The following EEFSEC variants were observed in gnomAD, a reference collection of about 807,000 sequenced individuals.
EEFSEC encodes selenocysteine-specific elongation factor.
A neutral mutation model predicts 42.1 loss-of-function variants in EEFSEC; 43 were observed. The observed-to-expected ratio is 1.02, with a 90% CI of 0.80 to 1.32. The LOEUF is 1.32. Ranked by LOEUF, EEFSEC falls within the 40% of genes most tolerant of loss-of-function variation. The probability of loss-of-function intolerance (pLI) is 0.00; values close to 1 mark genes in which losing one functional copy is unlikely to be tolerated. For missense variants in EEFSEC, 745 were observed against 803.6 expected, an observed-to-expected ratio of 0.93 and a Z score of 0.88; for synonymous variants, 354 against 339.1, an observed-to-expected ratio of 1.04 and a Z score of -0.48.
intron 1 of EEFSEC, among the ~76,000 whole-genome samples, chr3:128,222,387 T>C (rs1347885038): frequency 6.6e-6 from 1 of 152,204 alleles, no homozygotes; most frequent in Non-Finnish European, 1.5e-5. Context: ...ATCTGGAAAA[T>C]AGAGCAAATT....
chr3:128,190,099 G>A (rs1176000463), intron 1 of EEFSEC, among the ~76,000 whole-genome samples: 1 of 152,058 alleles, frequency 6.6e-6, no homozygotes, highest in Admixed American at 6.6e-5. Flanking sequence ...CTGAGCTCAG[G>A]CAATGCACCC....
rs140582392 is a variant in EEFSEC, at chr3:128,267,970, A to T, written c.786+3189A>T. Among the ~76,000 whole-genome samples, 405 of 152,372 alleles carry T rather than the reference A, an allele frequency of 2.7e-3. 1 individual carries two copies. The highest frequency in any genetic ancestry group is 8.9e-3 in the African/African-American group (372 of 41,594). Reference sequence around the variant, plus strand: ...AATAAAAAGCTGTCAGACTTCTGGGATTCTACAGACAAGAAACAGGCTGAT... The same window carrying T: ...AATAAAAAGCTGTCAGACTTCTGGGTTTCTACAGACAAGAAACAGGCTGAT... On this transcript the variant is annotated intron_variant, in intron 4 of 6. Coordinates refer to ENST00000254730, the MANE Select transcript of EEFSEC (RefSeq NM_021937.5).
intron 4 of EEFSEC, among the ~76,000 whole-genome samples, chr3:128,302,637 TTA>T (rs1229576593): frequency 6.6e-6 from 1 of 152,008 alleles, no homozygotes; most frequent in Non-Finnish European, 1.5e-5. Flanking sequence ...GGGAGGTAAG[TTA>T]TATATATGGT....
intron 1 of EEFSEC, among the ~76,000 whole-genome samples, chr3:128,159,299 G>C (rs1944437831): frequency 6.6e-6 from 1 of 152,170 alleles, no homozygotes; most frequent in Admixed American, 6.5e-5. Flanking sequence ...CCCTAACCTG[G>C]ATCTGGTTAA....
chr3:128,225,056 G>A (rs1159518957), intron 1 of EEFSEC, among the ~76,000 whole-genome samples: 3 of 152,226 alleles, frequency 2.0e-5, no homozygotes, highest in South Asian at 4.1e-4. Context: ...CTCAAGTTTC[G>A]CCCAAGATGT....
chr3:128,263,181 A>G (rs1303133330), intron 3 of EEFSEC, among the ~76,000 whole-genome samples: 1 of 152,240 alleles, frequency 6.6e-6, no homozygotes, highest in Non-Finnish European at 1.5e-5. Context: ...GATCATTGAC[A>G]TTCACAAAAA....
intron 3 of EEFSEC, 76 bp from the exon 4 acceptor site, chr3:128,264,541 C>T: frequency 1.3e-6 from 2 of 1,519,346 alleles, no homozygotes; most frequent in Non-Finnish European, 1.8e-6. Flanking sequence ...TGGTCAGCCA[C>T]ATTCTCTGCC....
intron 1 of EEFSEC, among the ~76,000 whole-genome samples, chr3:128,237,704 C>T (rs2066027594): frequency 1.3e-5 from 2 of 152,202 alleles, no homozygotes; most frequent in East Asian, 1.9e-4. Flanking sequence ...CTCTATTTGT[C>T]TGCTATCTTG....
At chr3:128,416,796 G>C in the EEFSEC span, among the ~76,000 whole-genome samples, 41,447 of 152,008 alleles carry the variant, frequency 0.27, 6,186 homozygotes, top group East Asian at 0.44. Flanking sequence ...AAAGGGGTGA[G>C]GGCCATGCCG....
intron 6 of EEFSEC, among the ~76,000 whole-genome samples, chr3:128,381,104 G>T (rs1384904926): frequency 1.3e-5 from 2 of 152,246 alleles, no homozygotes; most frequent in African/African-American, 4.8e-5. Flanking sequence ...TTGCTATGGG[G>T]TGAAGGGAAA....
chr3:128,227,222 T>G (rs1292919646), intron 1 of EEFSEC, among the ~76,000 whole-genome samples: 1 of 152,246 alleles, frequency 6.6e-6, no homozygotes, highest in African/African-American at 2.4e-5. Flanking sequence ...ATGGCCTCAC[T>G]TGGCAGCTGA....
intron 4 of EEFSEC, among the ~76,000 whole-genome samples, chr3:128,298,105 G>A (rs1432179084): frequency 6.6e-6 from 1 of 152,178 alleles, no homozygotes; most frequent in Non-Finnish European, 1.5e-5. Context: ...AACAAATGGG[G>A]GCATATGCCT....
chr3:128,418,701 A>G, the EEFSEC span, among the ~76,000 whole-genome samples: 5 of 151,326 alleles, frequency 3.3e-5, no homozygotes, highest in African/African-American at 9.7e-5. Context: ...AGCATCCCTG[A>G]TACTGCCCAG....
chr3:128,243,578 T>C (rs936236908), intron 1 of EEFSEC, among the ~76,000 whole-genome samples: 1 of 152,184 alleles, frequency 6.6e-6, no homozygotes, highest in Admixed American at 6.5e-5. Context: ...TCTTGTGCTG[T>C]GAATACAGAT....
At chr3:128,236,025 C>T (rs1280958072) in intron 1 of EEFSEC, among the ~76,000 whole-genome samples, 1 of 152,122 alleles carries the variant, frequency 6.6e-6, no homozygotes, top group African/African-American at 2.4e-5. Flanking sequence ...AGTTCAGTGG[C>T]GCAATCTCGC....
chr3:128,275,506 T>C (rs2066458599), intron 4 of EEFSEC, among the ~76,000 whole-genome samples: 1 of 152,218 alleles, frequency 6.6e-6, no homozygotes, highest in Non-Finnish European at 1.5e-5. Flanking sequence ...CTGACAGGTA[T>C]CAGAGCCCAA....
chr3:128,308,524 G>A (rs16843754), intron 4 of EEFSEC, among the ~76,000 whole-genome samples: 2,305 of 152,262 alleles, frequency 0.015, 60 homozygotes, highest in African/African-American at 0.051. Context: ...CCATTTAATC[G>A]CACAGCTATT....
intron 1 of EEFSEC, among the ~76,000 whole-genome samples, chr3:128,217,548 T>A (rs2065822334): frequency 6.6e-6 from 1 of 152,172 alleles, no homozygotes; most frequent in South Asian, 2.1e-4. Flanking sequence ...ACCTTGGCCA[T>A]TGGTTTGGCT....
At chr3:128,403,929 G>C (rs1285088347) in intron 6 of EEFSEC, among the ~76,000 whole-genome samples, 2 of 152,222 alleles carry the variant, frequency 1.3e-5, no homozygotes, top group Non-Finnish European at 2.9e-5. Context: ...TGCCTTCTTA[G>C]ATGAGTAAAC....
Sources: allele counts gnomAD v4.1 joint callset (sites outside exome capture counted in the v4.1 genomes callset), GRCh38; gene constraint gnomAD v4.1.1; transcripts MANE v1.5; gene names NCBI Gene and HGNC (gene_info 2026-07-23, HGNC 2026-07-21).